The following CRADD variants were observed in gnomAD, a reference collection of about 807,000 sequenced individuals.
CRADD encodes the protein death domain-containing protein CRADD.
CRADD carries 9 observed loss-of-function variants against 15.5 expected under a neutral mutation model. The observed-to-expected ratio is 0.58, with a 90% CI of 0.35 to 1.01. The LOEUF is 1.01. Among genes scored for constraint, CRADD ranks in the 50% least tolerant of loss-of-function variants. The pLI is 0.02. For missense variants in CRADD, 227 were observed against 250.3 expected (o/e 0.91, Z 0.63); for synonymous variants, 118 against 107.6 (o/e 1.10, Z -0.60).
Position 93,859,679 on chromosome 12 carries a change from G to GA in CRADD, c.299-34370dup, listed in dbSNP as rs546804017. Among the ~76,000 whole-genome samples, 129 of 152,168 alleles carry GA rather than the reference G, an allele frequency of 8.5e-4. 2 individuals are homozygous for GA. In the South Asian group the frequency reaches 0.014, roughly 16 times the overall value. On this transcript the variant is annotated intron_variant, in intron 2 of 2. Coordinates refer to the CRADD transcript ENST00000548483. The stretch of plus-strand genomic sequence containing the variant: ...CCAGGGCTGGGTTGTCCTTTGTGGG[G>GA]ATGGCTGTTTCTTTTGAAACACAAA...
At chr12:93,748,407 G>GCGATTCCCCCCTGCTTCAGC (rs1216743463) in intron 2 of CRADD, among the ~76,000 whole-genome samples, 4 of 122,898 alleles carry the variant, frequency 3.3e-5, no homozygotes, top group African/African-American at 1.1e-4. Context: ...CTGGGTTCAG[G>GCGATTCCCCCCTGCTTCAGC]CGATTCCCCC....
intron 2 of CRADD, among the ~76,000 whole-genome samples, chr12:93,803,318 G>A (rs1306564805): frequency 6.6e-6 from 1 of 152,156 alleles, no homozygotes; most frequent in South Asian, 2.1e-4. Context: ...CCTTCAGGCT[G>A]GCTGGAGGGG....
intron 2 of CRADD, among the ~76,000 whole-genome samples, chr12:93,760,051 T>G (rs577879775): frequency 1.3e-5 from 2 of 152,294 alleles, no homozygotes; most frequent in African/African-American, 4.8e-5. Flanking sequence ...ACATGGAGAC[T>G]ACCAGTCACT....
chr12:93,749,177 A>C (rs1184955843), intron 2 of CRADD, among the ~76,000 whole-genome samples: 3 of 152,196 alleles, frequency 2.0e-5, no homozygotes, highest in Non-Finnish European at 2.9e-5. Context: ...TGTCAGAGGA[A>C]GTGACACTGA....
chr12:93,719,533 C>T (rs12322517), intron 2 of CRADD, among the ~76,000 whole-genome samples: 2,331 of 152,204 alleles, frequency 0.015, 67 homozygotes, highest in African/African-American at 0.054. Context: ...CAATTTCTTC[C>T]TTAAATGTTT....
downstream of CRADD, among the ~76,000 whole-genome samples, chr12:93,855,044 A>G (rs1170788495): frequency 6.6e-6 from 1 of 151,944 alleles, no homozygotes; most frequent in Non-Finnish European, 1.5e-5. Context: ...AAAATATAAA[A>G]ATTAACCAGA....
At chr12:93,754,141 G>A (rs1056732353) in intron 2 of CRADD, among the ~76,000 whole-genome samples, 4 of 152,214 alleles carry the variant, frequency 2.6e-5, no homozygotes, top group Non-Finnish European at 5.9e-5. Flanking sequence ...AACTGCCAAG[G>A]CTTGGGGCTT....
chr12:93,837,442 A>G (rs1957987076), intron 2 of CRADD: 2 of 151,766 alleles, frequency 1.3e-5, no homozygotes, highest in Admixed American at 1.3e-4. Context: ...TAATTTTTGT[A>G]TTTTTAATAG....
intron 2 of CRADD, among the ~76,000 whole-genome samples, chr12:93,889,728 C>T (rs946330875): frequency 6.6e-6 from 1 of 152,100 alleles, no homozygotes; most frequent in Non-Finnish European, 1.5e-5. Context: ...GAGATAGCCC[C>T]GGAAGTGATG....
rs1955509017 is a variant in CRADD, at chr12:93,689,229, A to G, written c.298+10157A>G. On this transcript the variant is annotated intron_variant, in intron 2 of 2. Coordinates refer to ENST00000332896, the MANE Select transcript of CRADD (RefSeq NM_003805.5). ...CTATCTAAAGCCCTCAGTTCCAATA[A>G]CCAGCTTTTCTGGTGGTGCAGCTTC... Among the ~76,000 whole-genome samples, 3 of 152,184 alleles carry G rather than the reference A, an allele frequency of 2.0e-5. No homozygotes were observed. The South Asian group carries it at 6.2e-4, about 32-fold the overall frequency.
chr12:93,886,180 T>TTTTTTTAGACAAAATC (rs1958536252), intron 2 of CRADD, among the ~76,000 whole-genome samples: 1 of 150,268 alleles, frequency 6.7e-6, no homozygotes, highest in African/African-American at 2.5e-5. Flanking sequence ...TTTTTTTTTT[T>TTTTTTTAGACAAAATC]TTGAGACAGA....
intron 2 of CRADD, among the ~76,000 whole-genome samples, chr12:93,707,494 T>C (rs954944706): frequency 6.6e-6 from 1 of 152,142 alleles, no homozygotes. Flanking sequence ...GGGGCTTAGC[T>C]GGGGCCCAGC....
chr12:93,882,468 C>T (rs995949538), intron 2 of CRADD, among the ~76,000 whole-genome samples: 9 of 147,830 alleles, frequency 6.1e-5, no homozygotes, highest in Non-Finnish European at 1.2e-4. Context: ...ACATATTATA[C>T]ACACATACAC....
intron 2 of CRADD, among the ~76,000 whole-genome samples, chr12:93,703,113 T>C (rs6538447): frequency 0.15 from 22,072 of 152,102 alleles, 2,935 homozygotes; most frequent in African/African-American, 0.36. Flanking sequence ...TTCTTGAGTG[T>C]GGAAGAAAAC....
At chr12:93,836,775 T>C (rs1192480747) in intron 2 of CRADD, among the ~76,000 whole-genome samples, 2 of 152,240 alleles carry the variant, frequency 1.3e-5, no homozygotes, top group Non-Finnish European at 2.9e-5. Flanking sequence ...GTGCCTACTA[T>C]GTGCAAGGCA....
chr12:93,758,032 C>T (rs1487733172), intron 2 of CRADD, among the ~76,000 whole-genome samples: 1 of 152,182 alleles, frequency 6.6e-6, no homozygotes, highest in Non-Finnish European at 1.5e-5. Context: ...GTATATTCCT[C>T]CTATCATTAG....
chr12:93,720,464 G>C (rs1222044151), intron 2 of CRADD, among the ~76,000 whole-genome samples: 1 of 152,098 alleles, frequency 6.6e-6, no homozygotes, highest in Non-Finnish European at 1.5e-5. Context: ...TTGAGTTTAT[G>C]TCCTTCCTGA....
chr12:93,872,580 G>T (rs1958430382), intron 2 of CRADD, among the ~76,000 whole-genome samples: 1 of 152,122 alleles, frequency 6.6e-6, no homozygotes, highest in Non-Finnish European at 1.5e-5. Context: ...TTTGATTTTT[G>T]TATCTGGTGA....
chr12:93,786,060 C>T (rs12831838), intron 2 of CRADD, among the ~76,000 whole-genome samples: 1 of 151,934 alleles, frequency 6.6e-6, no homozygotes, highest in Non-Finnish European at 1.5e-5. Flanking sequence ...CATTAACTGC[C>T]GGGCCTATGA....
Sources: gnomAD v4.1 joint callset for allele counts (sites outside exome capture counted in the v4.1 genomes callset) on GRCh38, gnomAD v4.1.1 for gene constraint, MANE v1.5 for transcripts, NCBI Gene and HGNC (gene_info 2026-07-23, HGNC 2026-07-21) for gene names.